Variants in CNTN3 observed in about 807,000 individuals in gnomAD.
CNTN3 encodes the protein contactin 3, also known as contactin-3.
Under a neutral mutation model 119.1 loss-of-function variants are expected in CNTN3, and 60 were observed. That is an observed-to-expected ratio of 0.50 (90% confidence interval 0.41 to 0.62). The LOEUF (loss-of-function observed/expected upper bound fraction) is 0.62, where lower values mean the gene tolerates loss of function less well. Ranked by LOEUF, CNTN3 falls within the 20% of genes least tolerant of loss-of-function variation. The probability of loss-of-function intolerance (pLI) is 0.00; values close to 1 mark genes in which losing one functional copy is unlikely to be tolerated. For synonymous variants in CNTN3, 450 were observed against 438.7 expected (o/e 1.03, Z -0.32); for missense variants, 1,101 against 1,242.4 (o/e 0.89, Z 1.71).
intron 11 of CNTN3, among the ~76,000 whole-genome samples, chr3:74,337,239 T>C (rs772382882): frequency 2.6e-5 from 4 of 152,096 alleles, no homozygotes; most frequent in African/African-American, 4.8e-5. Context: ...AGTTTCTTAG[T>C]ATACACTTAG....
intron 20 of CNTN3, among the ~76,000 whole-genome samples, chr3:74,269,678 G>A (rs1055112611): frequency 2.6e-5 from 4 of 152,110 alleles, no homozygotes; most frequent in African/African-American, 9.7e-5. Flanking sequence ...ATATTATTCA[G>A]CCTTAAAAAC....
At chr3:74,517,567 C>T (rs530350888) in intron 2 of CNTN3, among the ~76,000 whole-genome samples, 389 of 151,962 alleles carry the variant, frequency 2.6e-3, no homozygotes, top group Non-Finnish European at 4.8e-3. Flanking sequence ...TTTCTTCCCC[C>T]CTTAAAGCCC....
intron 11 of CNTN3, among the ~76,000 whole-genome samples, chr3:74,357,106 T>G (rs575211119): frequency 1.3e-5 from 2 of 152,004 alleles, no homozygotes; most frequent in South Asian, 4.2e-4. Context: ...TTTGTATTTT[T>G]TAGTACAGAC....
intron 4 of CNTN3, among the ~76,000 whole-genome samples, chr3:74,460,271 G>A (rs1702340901): frequency 6.6e-6 from 1 of 151,910 alleles, no homozygotes; most frequent in Admixed American, 6.6e-5. Flanking sequence ...TTTAGAATAA[G>A]TTTTTTATAT....
intron 3 of CNTN3, among the ~76,000 whole-genome samples, chr3:74,488,452 G>A (rs958412522): frequency 7.9e-5 from 12 of 152,256 alleles, no homozygotes; most frequent in African/African-American, 2.9e-4. Context: ...CTCTCATGGA[G>A]AGAGAGTAGG....
intron 1 of CNTN3, among the ~76,000 whole-genome samples, chr3:74,595,145 T>G (rs982120307): frequency 2.6e-4 from 39 of 151,798 alleles, no homozygotes; most frequent in Admixed American, 5.2e-4. Flanking sequence ...GATGCGGCTG[T>G]TTTTTTCTTG....
chr3:74,309,095 A>ATTAT (rs1361180586), intron 13 of CNTN3, among the ~76,000 whole-genome samples: 1 of 151,646 alleles, frequency 6.6e-6, no homozygotes, highest in African/African-American at 2.4e-5. Flanking sequence ...TTATTTATTT[A>ATTAT]TTATTTATTA....
At chr3:74,481,545 C>T (rs899759455) in intron 4 of CNTN3, among the ~76,000 whole-genome samples, 5 of 151,786 alleles carry the variant, frequency 3.3e-5, no homozygotes, top group African/African-American at 1.2e-4. Context: ...ATAACATTTA[C>T]TGAACTGAAA....
chr3:74,545,602 A>G (rs1048567277), intron 1 of CNTN3, among the ~76,000 whole-genome samples: 2 of 152,180 alleles, frequency 1.3e-5, no homozygotes, highest in Non-Finnish European at 2.9e-5. Flanking sequence ...TAAAAGGAAA[A>G]GTAATTCGTT....
intron 11 of CNTN3, among the ~76,000 whole-genome samples, chr3:74,354,731 CAAAATAAGA>C (rs1703897898): frequency 6.6e-6 from 1 of 151,814 alleles, no homozygotes; most frequent in South Asian, 2.1e-4. Flanking sequence ...CAAAAAAAGC[CAAAATAAGA>C]AAAAGAAAAA....
rs1268748684 is a variant in CNTN3, at chr3:74,424,839, A to G, written c.454+6T>C. The G allele has an allele frequency of 6.2e-7, 1 of 1,612,424 alleles. No individual in the cohort carries two copies. Among genetic ancestry groups the G allele is most frequent in the Admixed American group, 1.7e-5 (1 of 59,978 alleles). On this transcript the variant is annotated splice_donor_region_variant and intron_variant, in intron 5 of 22. Coordinates refer to ENST00000263665, the MANE Select transcript of CNTN3 (RefSeq NM_020872.3). The stretch of plus-strand genomic sequence containing the variant: ...ATATGAAAAGCAGAAACAGAGCATG[A>G]CTTACCTCCAGAGTGTGGTGGGGGG...
At chr3:74,486,269 C>A (rs1327822169) in intron 4 of CNTN3, among the ~76,000 whole-genome samples, 187 bp downstream of exon 4, 1 of 151,928 alleles carries the variant, frequency 6.6e-6, no homozygotes, top group Non-Finnish European at 1.5e-5. Flanking sequence ...GACATACACA[C>A]ACACACACAT....
At chr3:74,275,330 G>A (rs2106760225) in intron 20 of CNTN3, among the ~76,000 whole-genome samples, 1 of 152,276 alleles carries the variant, frequency 6.6e-6, no homozygotes, top group African/African-American at 2.4e-5. Context: ...AAAGATCATT[G>A]CCTAGGCACT....
At chr3:74,504,821 GCTTATGAGAC>G in intron 2 of CNTN3, among the ~76,000 whole-genome samples, 1 of 152,194 alleles carries the variant, frequency 6.6e-6, no homozygotes, top group African/African-American at 2.4e-5. Flanking sequence ...GGGGAGATTG[GCTTATGAGAC>G]CACTAAAAGC....
At position 74,422,458 on chromosome 3, in the gene CNTN3, G is replaced by T. The variant is rs75620655; in HGVS notation, c.454+2387C>A. Among the ~76,000 whole-genome samples the T allele has an allele frequency of 4.0e-3, 605 of 152,290 alleles. 1 individual carries two copies. Among genetic ancestry groups the T allele is most frequent in the African/African-American group, 0.013 (549 of 41,552 alleles). ...GGACTACCTGAAGTCACCAAAGGCA[G>T]AGAAAAATCAGGATATCATTATTTA... On this transcript the variant is annotated intron_variant, in intron 5 of 22. Transcript: ENST00000263665.
rs1702461443 is a variant in CNTN3 at position 74,301,760 on chromosome 3, T to C, written c.1832A>G (p.Asp611Gly). The C allele has an allele frequency of 6.2e-7, 1 of 1,613,978 alleles. No homozygotes were observed. Among genetic ancestry groups the C allele is most frequent in the African/African-American group, 1.3e-5 (1 of 74,908 alleles). Residue 611 changes from aspartate to glycine, a missense_variant, in exon 15 of 23, where the codon GAC (aspartate) becomes GGC (glycine). By Grantham distance (94) the Asp-to-Gly change is moderately conservative (BLOSUM62 -1). Transcript: ENST00000263665. ...PENVKVDEIT[D>G]TTAQLSWKEG... ...TTTCCAAGAGAGTTGGGCTGTTGTG[T>C]CTGTAATTTCATCTACCTTCACATT...
At chr3:74,281,762 T>C (rs1212228144) in intron 20 of CNTN3, among the ~76,000 whole-genome samples, 6 of 151,970 alleles carry the variant, frequency 3.9e-5, no homozygotes, top group Admixed American at 3.9e-4. Flanking sequence ...ACTGAAACAT[T>C]GGAGTGGAAT....
At chr3:74,532,259 G>T (rs980621615) in intron 1 of CNTN3, among the ~76,000 whole-genome samples, 15 of 151,506 alleles carry the variant, frequency 9.9e-5, no homozygotes, top group African/African-American at 3.6e-4. Flanking sequence ...GCTAGAAATG[G>T]GTAGAGGGTA....
In CNTN3 at chr3:74,492,303, G is replaced by A. The variant is rs1038897940; in HGVS notation, c.183-5672C>T. Among the ~76,000 whole-genome samples, 16 of 152,206 alleles carry A rather than the reference G, an allele frequency of 1.1e-4. No homozygotes were observed. In the East Asian group the frequency reaches 2.9e-3, roughly 28 times the overall value. On this transcript the variant is annotated intron_variant, in intron 3 of 22. Coordinates refer to ENST00000263665, the MANE Select transcript of CNTN3 (RefSeq NM_020872.3). ...GAACTTGTGTCTCAGTCAATAATCA[G>A]AGAGAAATATTTGGGGTACTGGAAT...
Sources: gnomAD v4.1 joint callset for allele counts (sites outside exome capture counted in the v4.1 genomes callset) on GRCh38, gnomAD v4.1.1 for gene constraint, MANE v1.5 for transcripts, NCBI Gene and HGNC (gene_info 2026-07-23, HGNC 2026-07-21) for gene names.